The following GALNS variants were observed in gnomAD, a reference collection of about 807,000 sequenced individuals.
The protein encoded by GALNS is galactosamine (N-acetyl)-6-sulfatase, also known as N-acetylgalactosamine-6-sulfatase.
Under a neutral mutation model 65.9 loss-of-function variants are expected in GALNS, and 65 were observed. The ratio of observed to expected loss-of-function variants is 0.99; its 90% CI spans 0.81 to 1.21. The LOEUF (loss-of-function observed/expected upper bound fraction) is 1.21. GALNS is among the 50% of genes most tolerant of loss of function. GALNS has a pLI of 0.00. For synonymous variants in GALNS, 346 were observed against 288.9 expected (o/e 1.20, Z -2.00); for missense variants, 776 against 700.7 (o/e 1.11, Z -1.21).
chr16:88,830,480 T>C (rs1911385467), intron 9 of GALNS, among the ~76,000 whole-genome samples: 1 of 145,262 alleles, frequency 6.9e-6, no homozygotes, highest in East Asian at 1.9e-4. Context: ...CAGCTGCCAC[T>C]GGGAGCCCCC....
chr16:88,816,874 G>A (rs1057151499), intron 13 of GALNS: 61 of 985,346 alleles, frequency 6.2e-5, no homozygotes, highest in South Asian at 1.9e-4. Context: ...AATCCTGCGC[G>A]GCAGATCCAG....
At chr16:88,855,585 C>T (rs2143011913) in intron 1 of GALNS, 1 of 662,132 alleles carries the variant, frequency 1.5e-6, no homozygotes, top group East Asian at 2.7e-5. Flanking sequence ...GCTGTCACCC[C>T]TGGGTGGGGA....
At chr16:88,818,667 G>A (rs1024883625) in intron 12 of GALNS, among the ~76,000 whole-genome samples, 1 of 152,226 alleles carries the variant, frequency 6.6e-6, no homozygotes, top group Admixed American at 6.5e-5. Flanking sequence ...CACGGTTCGC[G>A]ATGTCAGGGC....
intron 1 of GALNS, chr16:88,855,009 A>ACCCCCCCC: frequency 5.9e-6 from 2 of 339,010 alleles, no homozygotes; most frequent in Non-Finnish European, 1.1e-5. Context: ...CGGTGGCCAC[A>ACCCCCCCC]CCCCACCCCT....
intron 1 of GALNS, among the ~76,000 whole-genome samples, chr16:88,851,195 G>A (rs1019979039): frequency 2.0e-5 from 3 of 152,112 alleles, no homozygotes; most frequent in Non-Finnish European, 2.9e-5. Flanking sequence ...CCACGGGCAG[G>A]AACCACCTTT....
chr16:88,818,154 T>C (rs746782168), intron 12 of GALNS, 30 bp from the exon 13 acceptor site: 4 of 1,542,456 alleles, frequency 2.6e-6, no homozygotes, highest in Non-Finnish European at 3.5e-6. Context: ...GTCACACGGC[T>C]GGGGCTGACA....
intron 12 of GALNS, among the ~76,000 whole-genome samples, chr16:88,820,774 C>A (rs1349567335): frequency 2.0e-5 from 3 of 152,218 alleles, no homozygotes; most frequent in Non-Finnish European, 4.4e-5. Flanking sequence ...GCCAATCACG[C>A]CCAGTGGACG....
chr16:88,826,670 G>A, intron 10 of GALNS, 32 bp downstream of exon 10: 6 of 1,603,982 alleles, frequency 3.7e-6, no homozygotes, highest in Non-Finnish European at 5.1e-6. Context: ...ACTTGGATCG[G>A]GGGAAGGGGC....
chr16:88,848,883 G>A (rs1967378408), intron 1 of GALNS, among the ~76,000 whole-genome samples: 1 of 152,216 alleles, frequency 6.6e-6, no homozygotes. Flanking sequence ...AGGTCTGCGT[G>A]GTCACACCTT....
intron 12 of GALNS, among the ~76,000 whole-genome samples, chr16:88,819,613 G>T (rs1010644659): frequency 6.6e-6 from 1 of 152,122 alleles, no homozygotes; most frequent in African/African-American, 2.4e-5. Flanking sequence ...GCTCACTGCA[G>T]CCTTGACCTT....
At position 88,838,783 on chromosome 16, in the gene GALNS, TGTC is replaced by T. The variant is rs2143003017; in HGVS notation, c.423-1021_423-1019del. On this transcript the variant is annotated intron_variant, in intron 4 of 13. Transcript: ENST00000268695. ...GTGGGCGGGTCTCACGTCAGTTGCG[TGTC>T]GTCTGAGGAAAGTTCTTCTGCAGCT... The T allele has an allele frequency of 2.0e-5, 3 of 152,402 alleles. No individual in the cohort carries two copies. In the South Asian group the frequency reaches 6.2e-4, roughly 31 times the overall value. 9.4% of individuals were successfully genotyped at this position (152,402 alleles called of 1,614,324 possible).
intron 13 of GALNS, chr16:88,816,947 G>C: frequency 4.1e-6 from 4 of 985,478 alleles, no homozygotes; most frequent in Non-Finnish European, 4.8e-6. Context: ...GGGCCTCGAG[G>C]CTGGGCTCGG....
chr16:88,847,404 C>G (rs1216599910), intron 1 of GALNS, among the ~76,000 whole-genome samples: 1 of 152,148 alleles, frequency 6.6e-6, no homozygotes, highest in Non-Finnish European at 1.5e-5. Context: ...TGCCACTTTT[C>G]TCCAAATTCA....
chr16:88,854,077 G>A (rs1022849758), intron 1 of GALNS, among the ~76,000 whole-genome samples: 1 of 152,386 alleles, frequency 6.6e-6, no homozygotes, highest in East Asian at 1.9e-4. Flanking sequence ...ACAGAGGACT[G>A]GATAGGGGGA....
At chr16:88,850,915 C>T (rs1177416861) in intron 1 of GALNS, among the ~76,000 whole-genome samples, 1 of 152,218 alleles carries the variant, frequency 6.6e-6, no homozygotes, top group Non-Finnish European at 1.5e-5. Flanking sequence ...TGAGCTGCTC[C>T]TATCAGCGAA....
Position 88,816,985 on chromosome 16 carries a change from G to A in GALNS, c.1482+1022C>T, listed in dbSNP as rs931869986. ...ATCTCCACTGTGCTCGGTGGGCTCT[G>A]GGCACCCAGGAGCGACACCGCAGAC... On this transcript the variant is annotated intron_variant, in intron 13 of 13. Transcript: ENST00000268695. The A allele has an allele frequency of 6.3e-5, 62 of 985,328 alleles. No homozygotes were observed. The African/African-American group carries it at 1.0e-3, about 16-fold the overall frequency. The allele number at this position is 985,328 out of a possible 1,614,324, so 61.0% of individuals were successfully genotyped here.
intron 12 of GALNS, among the ~76,000 whole-genome samples, chr16:88,819,696 T>C (rs552041261): frequency 6.6e-6 from 1 of 151,852 alleles, no homozygotes; most frequent in South Asian, 2.1e-4. Flanking sequence ...CTGGCTAATT[T>C]TAATTATTAT....
chr16:88,851,373 C>G (rs1282124825), intron 1 of GALNS, among the ~76,000 whole-genome samples: 2 of 151,986 alleles, frequency 1.3e-5, no homozygotes, highest in Non-Finnish European at 2.9e-5. Context: ...TTTTAATTAG[C>G]CGGGTGTGGG....
intron 4 of GALNS, 147 bp downstream of exon 4, chr16:88,840,845 G>GGA: frequency 1.4e-6 from 1 of 717,154 alleles, no homozygotes; most frequent in Non-Finnish European, 2.6e-6. Flanking sequence ...CAGGGACGCT[G>GGA]GAGACACCTG....
Sources: allele counts gnomAD v4.1 joint callset (sites outside exome capture counted in the v4.1 genomes callset), GRCh38; gene constraint gnomAD v4.1.1; transcripts MANE v1.5; gene names NCBI Gene and HGNC (gene_info 2026-07-23, HGNC 2026-07-21).